HDAC4: variants seen among roughly 807,000 people sequenced by gnomAD.
HDAC4 encodes histone deacetylase 4.
A neutral mutation model predicts 135.1 loss-of-function variants in HDAC4; 16 were observed. That is an observed-to-expected ratio of 0.12 (90% CI 0.08 to 0.18). The LOEUF (loss-of-function observed/expected upper bound fraction) is 0.18, where lower values mean the gene tolerates loss of function less well. Ranked by LOEUF, HDAC4 falls within the 10% of genes least tolerant of loss-of-function variation. HDAC4 has a pLI of 1.00. For synonymous variants in HDAC4, 685 were observed against 653.4 expected (o/e 1.05, Z -0.74); for missense variants, 1,143 against 1,511.8 (o/e 0.76, Z 4.05).
chr2:239,287,485 G>A (rs919387440), intron 2 of HDAC4, among the ~76,000 whole-genome samples: 1 of 152,158 alleles, frequency 6.6e-6, no homozygotes, highest in African/African-American at 2.4e-5. Flanking sequence ...TTAAAAACTT[G>A]GGATGGAAAT....
At chr2:239,320,914 A>G (rs1431914484) in intron 2 of HDAC4, among the ~76,000 whole-genome samples, 1 of 152,236 alleles carries the variant, frequency 6.6e-6, no homozygotes, top group Admixed American at 6.5e-5. Flanking sequence ...GAAAACTGAA[A>G]TAATTATTTT....
chr2:239,372,945 C>T (rs975545326), intron 1 of HDAC4, among the ~76,000 whole-genome samples: 3 of 152,138 alleles, frequency 2.0e-5, no homozygotes, highest in Admixed American at 6.5e-5. Flanking sequence ...TACCATGTCT[C>T]GGGGGAGTCC....
intron 2 of HDAC4, among the ~76,000 whole-genome samples, chr2:239,282,468 T>G (rs560672711): frequency 7.0e-6 from 1 of 143,606 alleles, no homozygotes; most frequent in African/African-American, 2.6e-5. Context: ...CCACTCTCAA[T>G]GTACACACCA....
intron 8 of HDAC4, among the ~76,000 whole-genome samples, chr2:239,142,915 C>T (rs1171177356): frequency 6.7e-6 from 1 of 149,570 alleles, no homozygotes; most frequent in African/African-American, 2.5e-5. Flanking sequence ...CGTGCCCTGT[C>T]ACACATGACT....
intron 19 of HDAC4, among the ~76,000 whole-genome samples, chr2:239,085,268 T>G (rs796181744): frequency 1.4e-4 from 22 of 152,274 alleles, no homozygotes; most frequent in African/African-American, 5.3e-4. Flanking sequence ...CCTTTAATTT[T>G]AGAGAGTCTT....
chr2:239,325,730 C>T (rs762294708), intron 2 of HDAC4, among the ~76,000 whole-genome samples: 7 of 151,858 alleles, frequency 4.6e-5, no homozygotes, highest in Non-Finnish European at 8.8e-5. Context: ...TTTGGGAGGC[C>T]GAGACGGGTG....
intron 3 of HDAC4, among the ~76,000 whole-genome samples, chr2:239,204,830 G>A (rs990544941): frequency 6.6e-6 from 1 of 152,178 alleles, no homozygotes; most frequent in Non-Finnish European, 1.5e-5. Flanking sequence ...CCACGGAGGG[G>A]CCTCTGATGG....
At chr2:239,371,862 C>T (rs978616315) in intron 1 of HDAC4, among the ~76,000 whole-genome samples, 2 of 152,250 alleles carry the variant, frequency 1.3e-5, no homozygotes, top group African/African-American at 4.8e-5. Context: ...AAATCGGAAT[C>T]AAGTGATAGC....
Position 239,297,241 on chromosome 2 carries a change from C to T in HDAC4, c.22+55437G>A, listed in dbSNP as rs760137626. Among the ~76,000 whole-genome samples, 46 of 152,236 alleles carry T rather than the reference C, an allele frequency of 3.0e-4. No individual in the cohort carries two copies. The Middle Eastern group carries it at 0.01, about 34-fold the overall frequency. On this transcript the variant is annotated intron_variant, in intron 2 of 26. Transcript: ENST00000543185. ...CCTTCCCACGAGCAGCCAGCGCTCA[C>T]CCAAACCTTGGCCGCAGGATGAGGC...
At chr2:239,287,254 C>A (rs781363350) in intron 2 of HDAC4, among the ~76,000 whole-genome samples, 1 of 152,216 alleles carries the variant, frequency 6.6e-6, no homozygotes, top group Non-Finnish European at 1.5e-5. Flanking sequence ...ATCCTCCTGA[C>A]TCCTGAGGCT....
At chr2:239,215,293 A>G (rs2046571514) in intron 3 of HDAC4, among the ~76,000 whole-genome samples, 1 of 152,084 alleles carries the variant, frequency 6.6e-6, no homozygotes, top group Non-Finnish European at 1.5e-5. Context: ...GCTTCCACCA[A>G]GTCAACACTG....
chr2:239,237,157 A>T (rs1166130778), intron 2 of HDAC4, among the ~76,000 whole-genome samples: 3 of 152,120 alleles, frequency 2.0e-5, no homozygotes, highest in Non-Finnish European at 4.4e-5. Flanking sequence ...CATGGAGGAG[A>T]ACGCTTCACC....
chr2:239,118,235 A>C (rs769510796), intron 12 of HDAC4, among the ~76,000 whole-genome samples: 16 of 152,218 alleles, frequency 1.1e-4, no homozygotes, highest in Non-Finnish European at 1.9e-4. Flanking sequence ...TTCTAAGAGC[A>C]GTTTAAAGTA....
Position 239,400,943 on chromosome 2 carries a change from A to C in HDAC4, c.-220+35T>G, listed in dbSNP as rs1696951170. The C allele has an allele frequency of 6.6e-6, 1 of 150,540 alleles. No homozygotes were observed. The highest frequency in any genetic ancestry group is 1.5e-5 in the Non-Finnish European group (1 of 67,198). 9.3% of individuals were successfully genotyped at this position (150,540 alleles called of 1,614,324 possible). A position where few individuals can be genotyped will look rare whatever the true frequency, so the allele number is the denominator to read the frequency against. Reference sequence around the variant, plus strand: ...CGGTGCTCCGCGGCGGCGGCCCCACAACCTCCCCTCCTCATTCACAAAAAA... The same window carrying C: ...CGGTGCTCCGCGGCGGCGGCCCCACCACCTCCCCTCCTCATTCACAAAAAA... On this transcript the variant is annotated intron_variant, in intron 1 of 26. Coordinates refer to ENST00000543185, the MANE Select transcript of HDAC4 (RefSeq NM_001378414.1). The surrounding 1 kb of genome is among the most constrained non-coding windows in gnomAD (Gnocchi z 4.7).
chr2:239,312,096 G>A (rs1430120361), intron 2 of HDAC4, among the ~76,000 whole-genome samples: 1 of 152,152 alleles, frequency 6.6e-6, no homozygotes, highest in Non-Finnish European at 1.5e-5. Flanking sequence ...GAGGAACCTC[G>A]GCGCTGACAT....
intron 12 of HDAC4, among the ~76,000 whole-genome samples, chr2:239,119,903 G>A (rs1006878578): frequency 6.6e-6 from 1 of 152,090 alleles, no homozygotes; most frequent in African/African-American, 2.4e-5. Flanking sequence ...CACAGAGGCT[G>A]GGTCCAGCGG....
At chr2:239,056,619 C>T (rs2031890743) in intron 24 of HDAC4, among the ~76,000 whole-genome samples, 1 of 152,234 alleles carries the variant, frequency 6.6e-6, no homozygotes, top group African/African-American at 2.4e-5. Flanking sequence ...GAGACAACTC[C>T]TTGAGCATTT....
At chr2:239,365,361 C>T (rs1050933443) in intron 1 of HDAC4, among the ~76,000 whole-genome samples, 1 of 152,164 alleles carries the variant, frequency 6.6e-6, no homozygotes, top group Admixed American at 6.5e-5. Flanking sequence ...TGTGCTGTAA[C>T]GGGAATAAAA....
intron 3 of HDAC4, among the ~76,000 whole-genome samples, chr2:239,229,844 C>A (rs2047439129): frequency 6.6e-6 from 1 of 152,106 alleles, no homozygotes; most frequent in Non-Finnish European, 1.5e-5. Flanking sequence ...TCCTATGGGA[C>A]TTTAAAAGGT....
Sources: gnomAD v4.1 joint callset for allele counts (sites outside exome capture counted in the v4.1 genomes callset) on GRCh38, gnomAD v4.1.1 for gene constraint, Gnocchi (gnomAD v3.1) non-coding constraint, MANE v1.5 for transcripts, NCBI Gene and HGNC (gene_info 2026-07-23, HGNC 2026-07-21) for gene names.